Variants in FHIT observed in about 807,000 individuals in gnomAD.
The protein encoded by FHIT is bis(5'-adenosyl)-triphosphatase.
A neutral mutation model predicts 17.9 loss-of-function variants in FHIT; 19 were observed. The ratio of observed to expected loss-of-function variants is 1.06; its 90% CI spans 0.74 to 1.56. FHIT has a LOEUF of 1.56. Ranked by LOEUF, FHIT falls within the 40% of genes most tolerant of loss-of-function variation. The probability of loss-of-function intolerance (pLI) is 0.00; values close to 1 mark genes in which losing one functional copy is unlikely to be tolerated. For missense variants in FHIT, 248 were observed against 189.2 expected (o/e 1.31, Z -1.82); for synonymous variants, 81 against 69.7 (o/e 1.16, Z -0.81).
At position 60,748,277 on chromosome 3, in the gene FHIT, C is replaced by A. The variant is rs373072314; in HGVS notation, c.-18+73642G>T. On this transcript the variant is annotated intron_variant, in intron 4 of 9. Transcript: ENST00000492590. ...CTTATGTTAGGTATTTGGGGGCCTG[C>A]AAATTAAACTGACAAACCACAGATT... is the stretch of plus-strand genomic sequence containing the variant. 3.0e-4 allele frequency among the ~76,000 whole-genome samples: 45 copies of A among 152,226 alleles called. No individual in the cohort carries two copies. The South Asian group carries it at 7.1e-3, about 24-fold the overall frequency.
intron 5 of FHIT, among the ~76,000 whole-genome samples, chr3:60,458,090 C>T (rs1041441656): frequency 2.6e-5 from 4 of 152,060 alleles, no homozygotes; most frequent in South Asian, 2.1e-4. Flanking sequence ...TGGGTATATA[C>T]CCAAAGGATT....
intron 8 of FHIT, among the ~76,000 whole-genome samples, chr3:59,795,779 G>A (rs1274092506): frequency 2.6e-5 from 4 of 152,164 alleles, no homozygotes; most frequent in Admixed American, 2.6e-4. Flanking sequence ...CAGGATTAAG[G>A]TAAGAGGTGC....
intron 7 of FHIT, among the ~76,000 whole-genome samples, chr3:59,998,330 G>C (rs1699597596): frequency 6.6e-6 from 1 of 152,008 alleles, no homozygotes; most frequent in African/African-American, 2.4e-5. Context: ...CCCGACTTCA[G>C]GTTAGATCTT....
chr3:60,692,416 A>G (rs377309107), intron 4 of FHIT, among the ~76,000 whole-genome samples: 3 of 152,292 alleles, frequency 2.0e-5, no homozygotes, highest in East Asian at 3.9e-4. Flanking sequence ...AAACAGGGAG[A>G]TTATCCTCCA....
intron 2 of FHIT, among the ~76,000 whole-genome samples, chr3:61,082,294 A>G (rs2035164635): frequency 6.6e-6 from 1 of 152,132 alleles, no homozygotes; most frequent in Admixed American, 6.5e-5. Context: ...ACCTCTAACA[A>G]CATTGATTAG....
intron 4 of FHIT, among the ~76,000 whole-genome samples, chr3:60,752,224 G>A (rs1258572599): frequency 6.6e-6 from 1 of 152,104 alleles, no homozygotes; most frequent in Non-Finnish European, 1.5e-5. Flanking sequence ...ACTGGGGGTG[G>A]GGGAACACAT....
chr3:60,748,936 A>G (rs974675189), intron 4 of FHIT, among the ~76,000 whole-genome samples: 8 of 152,254 alleles, frequency 5.3e-5, no homozygotes, highest in African/African-American at 1.9e-4. Flanking sequence ...ATACATGTTC[A>G]GCACAGATGC....
chr3:60,404,563 C>G (rs1701780960), intron 5 of FHIT, among the ~76,000 whole-genome samples: 1 of 152,136 alleles, frequency 6.6e-6, no homozygotes. Context: ...ACAGATAGCT[C>G]TTTGATCCTC....
intron 5 of FHIT, among the ~76,000 whole-genome samples, chr3:60,071,898 C>T (rs564283984): frequency 5.3e-5 from 8 of 152,178 alleles, no homozygotes; most frequent in Non-Finnish European, 1.0e-4. Context: ...TTCCCCTCTA[C>T]ACAAGCCCTC....
intron 4 of FHIT, among the ~76,000 whole-genome samples, chr3:60,567,242 G>C (rs918618168): frequency 2.6e-5 from 4 of 151,986 alleles, no homozygotes; most frequent in African/African-American, 7.3e-5. Context: ...AAACAGCATG[G>C]TACTGGTACC....
intron 5 of FHIT, among the ~76,000 whole-genome samples, chr3:60,056,948 G>A (rs755402136): frequency 6.6e-6 from 1 of 152,108 alleles, no homozygotes; most frequent in Non-Finnish European, 1.5e-5. Flanking sequence ...ACTCTTCCTG[G>A]TCTGGGGATC....
intron 8 of FHIT, among the ~76,000 whole-genome samples, chr3:59,792,879 G>C (rs538439116): frequency 6.8e-6 from 1 of 147,472 alleles, no homozygotes; most frequent in Admixed American, 6.8e-5. Flanking sequence ...TTTTGGGGGG[G>C]GGGGTCATGA....
chr3:60,729,436 A>G (rs1553710566), intron 4 of FHIT, among the ~76,000 whole-genome samples: 1 of 152,158 alleles, frequency 6.6e-6, no homozygotes, highest in Non-Finnish European at 1.5e-5. Context: ...CTAAGGTACA[A>G]TGTAAAATGT....
At chr3:60,422,999 T>G in intron 5 of FHIT, among the ~76,000 whole-genome samples, 1 of 152,268 alleles carries the variant, frequency 6.6e-6, no homozygotes, top group South Asian at 2.1e-4. Flanking sequence ...AATGTTATAA[T>G]ATCTTAACTT....
intron 7 of FHIT, among the ~76,000 whole-genome samples, chr3:59,957,160 A>G (rs1707446238): frequency 6.6e-6 from 1 of 152,218 alleles, no homozygotes; most frequent in Non-Finnish European, 1.5e-5. Flanking sequence ...TGTGACTTTA[A>G]TTGGAGGCAG....
chr3:59,878,927 A>G (rs1703283220), intron 8 of FHIT, among the ~76,000 whole-genome samples: 2 of 152,142 alleles, frequency 1.3e-5, no homozygotes. Flanking sequence ...TTATACTGTG[A>G]TTAAACCCAA....
chr3:60,823,546 G>A (rs1839069), intron 3 of FHIT, among the ~76,000 whole-genome samples: 45,175 of 152,024 alleles, frequency 0.3, 9,010 homozygotes, highest in African/African-American at 0.57. Context: ...TTGGAGTTAT[G>A]TAGCTGCAAG....
chr3:59,817,699 G>A (rs141148213), intron 8 of FHIT, among the ~76,000 whole-genome samples: 2 of 151,968 alleles, frequency 1.3e-5, no homozygotes, highest in Admixed American at 1.3e-4. Context: ...TTTCACATTC[G>A]TTTCGGCTTC....
chr3:60,125,683 T>TGTGTACATA (rs1705513507), intron 5 of FHIT, among the ~76,000 whole-genome samples: 1 of 123,118 alleles, frequency 8.1e-6, no homozygotes, highest in Admixed American at 7.5e-5. Context: ...TGTGTGTGCG[T>TGTGTACATA]GTGTACATAT....
Sources: gnomAD v4.1 joint callset for allele counts (sites outside exome capture counted in the v4.1 genomes callset) on GRCh38, gnomAD v4.1.1 for gene constraint, MANE v1.5 for transcripts, NCBI Gene and HGNC (gene_info 2026-07-23, HGNC 2026-07-21) for gene names.